The following CDH18 variants were observed in gnomAD, a reference collection of about 807,000 sequenced individuals.
The protein encoded by CDH18 is cadherin-18.
Under a neutral mutation model 67.9 loss-of-function variants are expected in CDH18, and 31 were observed. That is an observed-to-expected ratio of 0.46 (90% CI 0.34 to 0.62). The LOEUF (loss-of-function observed/expected upper bound fraction) is 0.62. Among genes scored for constraint, CDH18 ranks in the 20% least tolerant of loss-of-function variants. The probability of loss-of-function intolerance (pLI) is 0.01; values close to 1 mark genes in which losing one functional copy is unlikely to be tolerated. For synonymous variants in CDH18, 362 were observed against 347.2 expected, an observed-to-expected ratio of 1.04 and a Z score of -0.48; for missense variants, 890 against 975.5, an observed-to-expected ratio of 0.91 and a Z score of 1.17.
At chr5:20,295,446 A>C (rs1747411989) in intron 1 of CDH18, among the ~76,000 whole-genome samples, 1 of 152,148 alleles carries the variant, frequency 6.6e-6, no homozygotes, top group Non-Finnish European at 1.5e-5. Flanking sequence ...GAATTCTAAG[A>C]GGCCAGGCAC....
intron 1 of CDH18, among the ~76,000 whole-genome samples, chr5:20,499,233 GT>G (rs1203715473): frequency 6.6e-6 from 1 of 151,990 alleles, no homozygotes; most frequent in East Asian, 1.9e-4. Context: ...AAATGGCATG[GT>G]ATTCGCATAC....
chr5:20,420,435 T>C lies in CDH18; in HGVS notation c.-580+155027A>G, dbSNP rs539074948. On this transcript the variant is annotated intron_variant, in intron 1 of 14. Transcript: ENST00000507958. Reference sequence around the variant, plus strand: ...GATGTATTCCAACGTTATATTCTTTTATATATTTAATAGATTTTAACGTTA... The same window carrying C: ...GATGTATTCCAACGTTATATTCTTTCATATATTTAATAGATTTTAACGTTA... 7.9e-5 allele frequency among the ~76,000 whole-genome samples: 12 copies of C among 151,338 alleles called. 1 individual carries two copies. The highest frequency in any genetic ancestry group is 2.7e-4 in the African/African-American group (11 of 40,634).
rs1213737563 is a variant in CDH18 at position 19,794,883 on chromosome 5, C to G, written c.228+43876G>C. Among the ~76,000 whole-genome samples, 5 of 152,168 alleles carry G rather than the reference C, an allele frequency of 3.3e-5. No individual in the cohort carries two copies. In the East Asian group the frequency reaches 9.7e-4, roughly 30 times the overall value. On this transcript the variant is annotated intron_variant, in intron 3 of 12. Coordinates refer to ENST00000382275, the MANE Select transcript of CDH18 (RefSeq NM_004934.5). ...ACAATTATAAACCCTGGAAGTCACACAAGGGACAAATGTAAGTGATTTCTG... is the reference window on the plus strand; with the variant it reads ...ACAATTATAAACCCTGGAAGTCACAGAAGGGACAAATGTAAGTGATTTCTG...
intron 2 of CDH18, among the ~76,000 whole-genome samples, chr5:19,891,485 G>A (rs115777421): frequency 0.033 from 5,045 of 152,156 alleles, 260 homozygotes; most frequent in African/African-American, 0.1. Context: ...AGATAATCAC[G>A]TAAAAGATAA....
At chr5:20,494,300 C>T (rs1753776527) in intron 1 of CDH18, among the ~76,000 whole-genome samples, 1 of 150,774 alleles carries the variant, frequency 6.6e-6, no homozygotes, top group Admixed American at 6.6e-5. Flanking sequence ...ATTAGAAGTA[C>T]AAAGGAAGAG....
At chr5:19,573,839 A>G (rs62349544) in intron 7 of CDH18, among the ~76,000 whole-genome samples, 8,768 of 152,224 alleles carry the variant, frequency 0.058, 288 homozygotes, top group Non-Finnish European at 0.074. Flanking sequence ...ATACCTGGAA[A>G]GTTTACTGTT....
intron 1 of CDH18, among the ~76,000 whole-genome samples, chr5:20,359,077 G>C (rs1741874272): frequency 6.6e-6 from 1 of 151,834 alleles, no homozygotes; most frequent in South Asian, 2.1e-4. Context: ...GATTACAGGA[G>C]TGTGCCACCA....
intron 7 of CDH18, among the ~76,000 whole-genome samples, chr5:19,577,374 C>T (rs1324628062): frequency 6.6e-6 from 1 of 151,984 alleles, no homozygotes; most frequent in Non-Finnish European, 1.5e-5. Flanking sequence ...AAAAAGAAAC[C>T]TAATGGAATT....
intron 8 of CDH18, among the ~76,000 whole-genome samples, chr5:19,571,250 A>G (rs892941248): frequency 2.6e-5 from 4 of 152,196 alleles, no homozygotes; most frequent in Non-Finnish European, 2.9e-5. Flanking sequence ...TATACTTCCT[A>G]TCATTAAGGG....
At chr5:20,044,577 T>C (rs1457742678) in intron 2 of CDH18, among the ~76,000 whole-genome samples, 8 of 152,142 alleles carry the variant, frequency 5.3e-5, no homozygotes, top group South Asian at 4.1e-4. Flanking sequence ...TTTCCAACAA[T>C]GCAAAAGATC....
At chr5:19,881,251 A>G (rs182490869) in intron 2 of CDH18, among the ~76,000 whole-genome samples, 148 of 152,288 alleles carry the variant, frequency 9.7e-4, no homozygotes, top group African/African-American at 3.5e-3. Context: ...AAACTTATGT[A>G]AATATCTAGA....
At chr5:19,609,637 G>A (rs915682606) in intron 6 of CDH18, among the ~76,000 whole-genome samples, 6 of 151,968 alleles carry the variant, frequency 3.9e-5, no homozygotes, top group African/African-American at 1.4e-4. Context: ...TCTCAAGCAT[G>A]GTAGATTAAG....
intron 4 of CDH18, among the ~76,000 whole-genome samples, chr5:19,723,690 G>A (rs1766421076): frequency 6.6e-6 from 1 of 151,910 alleles, no homozygotes; most frequent in Non-Finnish European, 1.5e-5. Context: ...ATTGAATAGG[G>A]CATTTTATTT....
chr5:19,946,512 T>G (rs896152639), intron 2 of CDH18, among the ~76,000 whole-genome samples: 14 of 152,176 alleles, frequency 9.2e-5, no homozygotes, highest in African/African-American at 3.4e-4. Flanking sequence ...TCATCTGATA[T>G]GGTGCTAAAT....
At chr5:19,487,431 T>C (rs927932484) in intron 11 of CDH18, among the ~76,000 whole-genome samples, 8 of 152,176 alleles carry the variant, frequency 5.3e-5, no homozygotes, top group Non-Finnish European at 1.2e-4. Flanking sequence ...ACCAATAATA[T>C]GTGTTTAGAA....
At chr5:20,497,687 C>A (rs188815210) in intron 1 of CDH18, among the ~76,000 whole-genome samples, 1 of 152,118 alleles carries the variant, frequency 6.6e-6, no homozygotes, top group Admixed American at 6.6e-5. Flanking sequence ...CCCATGCTTA[C>A]CCATGAAAGT....
intron 2 of CDH18, among the ~76,000 whole-genome samples, chr5:19,876,068 C>A (rs915935668): frequency 6.6e-6 from 1 of 152,006 alleles, no homozygotes; most frequent in African/African-American, 2.4e-5. Context: ...ATTGCTGAGT[C>A]CTTGCCAAAG....
At chr5:20,004,625 T>C (rs890783954) in intron 2 of CDH18, among the ~76,000 whole-genome samples, 15 of 152,206 alleles carry the variant, frequency 9.9e-5, no homozygotes, top group Admixed American at 7.2e-4. Context: ...TGGAAATGAA[T>C]AAATAAAACT....
chr5:20,223,809 C>T (rs1741408563), intron 2 of CDH18, among the ~76,000 whole-genome samples: 2 of 152,016 alleles, frequency 1.3e-5, no homozygotes, highest in African/African-American at 2.4e-5. Flanking sequence ...CTCTTGCCTG[C>T]CACCAGGTAA....
Sources: gnomAD v4.1 joint callset for allele counts (sites outside exome capture counted in the v4.1 genomes callset) on GRCh38, gnomAD v4.1.1 for gene constraint, MANE v1.5 for transcripts, NCBI Gene and HGNC (gene_info 2026-07-23, HGNC 2026-07-21) for gene names.